The following AEBP2 variants were observed in gnomAD, a reference collection of about 807,000 sequenced individuals.
The protein encoded by AEBP2 is zinc finger protein AEBP2.
A neutral mutation model predicts 50.8 loss-of-function variants in AEBP2; 10 were observed. That is an observed-to-expected ratio of 0.20 (90% CI 0.12 to 0.33). AEBP2 has a LOEUF of 0.33. Among genes scored for constraint, AEBP2 ranks in the 10% least tolerant of loss-of-function variants. The probability of loss-of-function intolerance (pLI) is 1.00; values close to 1 mark genes in which losing one functional copy is unlikely to be tolerated. For missense variants in AEBP2, 570 were observed against 688.0 expected (o/e 0.83, Z 1.92); for synonymous variants, 296 against 261.3 (o/e 1.13, Z -1.28).
At chr12:19,477,412 C>G (rs1385999423) in intron 3 of AEBP2, among the ~76,000 whole-genome samples, 2 of 152,124 alleles carry the variant, frequency 1.3e-5, no homozygotes, top group East Asian at 1.9e-4. Flanking sequence ...AACTTTTCCC[C>G]GTTCAGTAGA....
intron 5 of AEBP2, among the ~76,000 whole-genome samples, chr12:19,508,655 G>A (rs1949189293): frequency 6.6e-6 from 1 of 151,774 alleles, no homozygotes; most frequent in Admixed American, 6.6e-5. Context: ...ATACTTTTTT[G>A]GGTCTTTCTG....
chr12:19,474,441 G>A (rs11044586), intron 3 of AEBP2, among the ~76,000 whole-genome samples: 1,659 of 152,210 alleles, frequency 0.011, 17 homozygotes, highest in East Asian at 0.046. Flanking sequence ...AAACATTATA[G>A]CAAAGGTTTA....
At chr12:19,509,011 G>T in intron 5 of AEBP2, 9 of 535,660 alleles carry the variant, frequency 1.7e-5, no homozygotes, top group Non-Finnish European at 2.5e-5. Flanking sequence ...TTTTTACTAA[G>T]AACGTTGGGA....
intron 6 of AEBP2, among the ~76,000 whole-genome samples, chr12:19,513,546 G>A (rs904500418): frequency 6.6e-6 from 1 of 152,072 alleles, no homozygotes; most frequent in African/African-American, 2.4e-5. Flanking sequence ...TTGCTTTTAG[G>A]GCAGGAGTTT....
upstream of AEBP2, among the ~76,000 whole-genome samples, chr12:19,439,350 G>A (rs1947896240): frequency 6.8e-6 from 1 of 146,658 alleles, no homozygotes; most frequent in Non-Finnish European, 1.5e-5. Context: ...GGAAGGCCCC[G>A]AGGAAACGCT....
Position 19,500,122 on chromosome 12 carries a change from A to G in AEBP2, c.1200A>G (p.Ala400=), listed in dbSNP as rs749229031. Reference sequence around the variant, plus strand: ...CACGGCCACATGATTTCTTCGATGCACAAACACTGGATGCGATAAGACATC... The same window carrying G: ...CACGGCCACATGATTTCTTCGATGCGCAAACACTGGATGCGATAAGACATC... ...SLPRPHDFFD[A]QTLDAIRHRA... The change falls in exon 5 of 8, where the codon GCA becomes GCG. Residue 400 remains alanine (A), a synonymous_variant. Transcript: ENST00000266508. 2 of 1,607,206 alleles carry G rather than the reference A, an allele frequency of 1.2e-6. No homozygotes were observed. Among genetic ancestry groups the G allele is most frequent in the South Asian group, 1.1e-5 (1 of 89,312 alleles).
chr12:19,413,676 A>G (rs535423207), intron 1 of AEBP2, among the ~76,000 whole-genome samples: 2 of 152,272 alleles, frequency 1.3e-5, no homozygotes, highest in East Asian at 3.9e-4. Context: ...TATTGATGAT[A>G]TGCTAAACGA....
rs375160231 is a variant in AEBP2 at position 19,421,344 on chromosome 12, CAA to C, written c.-17+17149_-17+17150del. On this transcript the variant is annotated intron_variant, in intron 1 of 3. Transcript: ENST00000538425. ...TGGGTGACAGAGCGAGACTCTGTCT[CAA>C]AAAAAAAAAAAAAAAAAAAAGAAAC... Among the ~76,000 whole-genome samples the C allele has an allele frequency of 8.8e-3, 728 of 82,418 alleles. 2 individuals are homozygous for C. The highest frequency in any genetic ancestry group is 0.028 in the African/African-American group (587 of 21,106). The allele number at this position is 82,418 out of a possible 152,430, so 54.1% of individuals were successfully genotyped here. A position where few individuals can be genotyped will look rare whatever the true frequency, so the allele number is the denominator to read the frequency against.
chr12:19,417,710 T>C (rs1205627062), intron 1 of AEBP2, among the ~76,000 whole-genome samples: 1 of 141,018 alleles, frequency 7.1e-6, no homozygotes, highest in Non-Finnish European at 1.6e-5. Flanking sequence ...GCCCAGCCTC[T>C]TTTTTTTTTT....
intron 4 of AEBP2, 127 bp from the exon 5 acceptor site, chr12:19,499,970 G>T: frequency 1.1e-6 from 1 of 946,416 alleles, no homozygotes; most frequent in Non-Finnish European, 1.6e-6. Flanking sequence ...TCCATGTTTT[G>T]TAAGCAAATA....
intron 1 of AEBP2, among the ~76,000 whole-genome samples, chr12:19,429,447 T>C (rs1343679715): frequency 1.3e-5 from 2 of 152,202 alleles, no homozygotes; most frequent in African/African-American, 4.8e-5. Context: ...CACGTGTGCA[T>C]GTGTCTTTAT....
intron 1 of AEBP2, among the ~76,000 whole-genome samples, chr12:19,453,524 A>C (rs1466555143): frequency 2.0e-5 from 3 of 150,138 alleles, no homozygotes; most frequent in African/African-American, 2.5e-5. Flanking sequence ...CCTGGGTTCA[A>C]ACGATTCTCC....
chr12:19,489,811 T>C (rs1050359638), intron 3 of AEBP2, among the ~76,000 whole-genome samples: 1 of 151,892 alleles, frequency 6.6e-6, no homozygotes, highest in African/African-American at 2.4e-5. Flanking sequence ...GTGAAATATG[T>C]GTGATTCTAT....
At chr12:19,512,888 C>T (rs1319142861) in intron 6 of AEBP2, among the ~76,000 whole-genome samples, 1 of 152,128 alleles carries the variant, frequency 6.6e-6, no homozygotes, top group Non-Finnish European at 1.5e-5. Flanking sequence ...GCAAAGGTTG[C>T]AGTGAGCCGA....
chr12:19,433,980 G>A (rs567281255), intron 1 of AEBP2, among the ~76,000 whole-genome samples: 8 of 151,834 alleles, frequency 5.3e-5, no homozygotes, highest in African/African-American at 9.7e-5. Flanking sequence ...CCTAGTAGCC[G>A]GGACTACAGG....
chr12:19,490,699 C>G (rs991042223), intron 3 of AEBP2, among the ~76,000 whole-genome samples: 1 of 152,156 alleles, frequency 6.6e-6, no homozygotes, highest in Admixed American at 6.6e-5. Flanking sequence ...CTCCTGGCTT[C>G]AAGTGATCCA....
chr12:19,515,306 G>A (rs984172562), intron 7 of AEBP2, among the ~76,000 whole-genome samples: 6 of 152,178 alleles, frequency 3.9e-5, no homozygotes, highest in African/African-American at 1.4e-4. Context: ...TGTGGGGGAA[G>A]GAGAAGAGAC....
chr12:19,456,548 A>G lies in AEBP2; in HGVS notation c.672-5962A>G, dbSNP rs1315892242. 8 of 1,535,292 alleles carry G rather than the reference A, an allele frequency of 5.2e-6. No individual in the cohort carries two copies. The African/African-American group carries it at 6.9e-5, about 13-fold the overall frequency. ...TGCATGCAGTGTGAGCCGTGTGGCA[A>G]TCCAGTACAGGGGCATAGCCAGCAC... On this transcript the variant is annotated intron_variant, in intron 1 of 7. Coordinates refer to ENST00000266508, the MANE Select transcript of AEBP2 (RefSeq NM_153207.5).
At chr12:19,438,328 G>A (rs993932468), upstream of AEBP2, among the ~76,000 whole-genome samples, 2 of 152,216 alleles carry the variant, frequency 1.3e-5, no homozygotes, top group African/African-American at 4.8e-5. Context: ...TAATGCGAAA[G>A]GCATTCAAAG....
Sources: allele counts gnomAD v4.1 joint callset (sites outside exome capture counted in the v4.1 genomes callset), GRCh38; gene constraint gnomAD v4.1.1; transcripts MANE v1.5; gene names NCBI Gene and HGNC (gene_info 2026-07-23, HGNC 2026-07-21).